The following TARP variants were observed in gnomAD, a reference collection of about 807,000 sequenced individuals.
chr7:38,261,882 A>AAAAAG, the TARP span, among the ~76,000 whole-genome samples: 1 of 150,006 alleles, frequency 6.7e-6, no homozygotes, highest in Admixed American at 6.6e-5. Context: ...AAAAAAAAAA[A>AAAAAG]AAAAGAAAAG....
At chr7:38,265,618 T>G in the TARP span, 3,844 of 1,611,330 alleles carry the variant, frequency 2.4e-3, 177 homozygotes, top group African/African-American at 0.047. Context: ...GAGCTTTGTT[T>G]CAGCAATTGA....
At chr7:38,268,338 A>G in the TARP span, among the ~76,000 whole-genome samples, 29 of 151,752 alleles carry the variant, frequency 1.9e-4, 1 homozygote, top group Admixed American at 1.3e-3. Context: ...AATTTACCAA[A>G]TATCAACTAC....
At chr7:38,262,046 T>A in the TARP span, 1,206 of 790,164 alleles carry the variant, frequency 1.5e-3, 7 homozygotes, top group African/African-American at 0.018. Context: ...AATGAGGGAC[T>A]AATTTAAAAT....
chr7:38,273,250 T>A, the TARP span, among the ~76,000 whole-genome samples: 5 of 151,046 alleles, frequency 3.3e-5, no homozygotes, highest in African/African-American at 1.2e-4. Flanking sequence ...ATTTTACTTT[T>A]TTTTTTTTTA....
chr7:38,269,345 G>A, the TARP span: 53,342 of 497,868 alleles, frequency 0.11, 2,928 homozygotes, highest in African/African-American at 0.24. Context: ...TAGTATGAGC[G>A]TTTGTTTTAA....
chr7:38,259,754 T>C, the TARP span: 2 of 211,750 alleles, frequency 9.4e-6, no homozygotes, highest in African/African-American at 4.8e-5. Context: ...TTCCAGGCAG[T>C]TATCTGATTA....
chr7:38,260,820 C>T, the TARP span, among the ~76,000 whole-genome samples: 1 of 151,634 alleles, frequency 6.6e-6, no homozygotes, highest in Non-Finnish European at 1.5e-5. Context: ...GACTCCCTGC[C>T]CTTGGTCAAG....
At chr7:38,269,842 A>G in the TARP span, among the ~76,000 whole-genome samples, 17 of 152,168 alleles carry the variant, frequency 1.1e-4, no homozygotes, top group South Asian at 1.9e-3. Context: ...GTTTGTGCCT[A>G]TAATTCCAGC....
the TARP span, among the ~76,000 whole-genome samples, chr7:38,263,243 G>T: frequency 0.18 from 23,938 of 134,154 alleles, no homozygotes; most frequent in African/African-American, 0.34. Flanking sequence ...CAATAACACT[G>T]AAGTGAGTTG....
the TARP span, among the ~76,000 whole-genome samples, chr7:38,269,069 T>C: frequency 6.6e-6 from 1 of 151,858 alleles, no homozygotes; most frequent in Non-Finnish European, 1.5e-5. Flanking sequence ...CAGTGAGTGG[T>C]GGAGCCAGAG....
the TARP span, among the ~76,000 whole-genome samples, chr7:38,271,215 C>T: frequency 1.4e-4 from 21 of 151,368 alleles, no homozygotes; most frequent in African/African-American, 3.9e-4. Flanking sequence ...CATGTTTCTC[C>T]TTTGCCCCCA....
chr7:38,267,181 T>C, the TARP span, among the ~76,000 whole-genome samples: 879 of 151,910 alleles, frequency 5.8e-3, 4 homozygotes, highest in African/African-American at 0.021. Flanking sequence ...AGCTCCATTA[T>C]TCTCTTCATC....
At chr7:38,262,100 T>C in the TARP span, 1 of 1,310,952 alleles carries the variant, frequency 7.6e-7, no homozygotes, top group Non-Finnish European at 1.1e-6. Flanking sequence ...CAAAATCCAT[T>C]CCCTGATTTT....
the TARP span, among the ~76,000 whole-genome samples, chr7:38,261,674 C>T: frequency 6.6e-6 from 1 of 151,068 alleles, no homozygotes. Context: ...AAATTCGAGG[C>T]CATCCTGGCC....
At chr7:38,268,961 T>C in the TARP span, among the ~76,000 whole-genome samples, 750 of 151,654 alleles carry the variant, frequency 4.9e-3, 7 homozygotes, top group African/African-American at 0.015. Flanking sequence ...TCACACTATG[T>C]TGTGCAATTC....
At chr7:38,265,571 A>T in the TARP span, 5 of 1,611,942 alleles carry the variant, frequency 3.1e-6, no homozygotes, top group Non-Finnish European at 4.2e-6. Context: ...TCAGGGAAAA[A>T]TTTCTCAAGA....
the TARP span, among the ~76,000 whole-genome samples, chr7:38,260,747 G>A: frequency 6.6e-6 from 1 of 151,802 alleles, no homozygotes; most frequent in African/African-American, 2.4e-5. Context: ...TCTTCATAAA[G>A]TGAGAATTCC....
the TARP span, among the ~76,000 whole-genome samples, chr7:38,270,023 G>A: frequency 6.6e-6 from 1 of 151,914 alleles, no homozygotes. Context: ...GGTCACTTGA[G>A]CCTAGGAGTT....
chr7:38,260,703 C>T, the TARP span, among the ~76,000 whole-genome samples: 2 of 151,918 alleles, frequency 1.3e-5, no homozygotes, highest in East Asian at 3.9e-4. Context: ...AAGAGTGAGT[C>T]TCTACCTGAG....
Sources: allele counts gnomAD v4.1 joint callset (sites outside exome capture counted in the v4.1 genomes callset), GRCh38; gene constraint gnomAD v4.1.1; transcripts MANE v1.5.